The following NPHP4 variants were observed in gnomAD, a reference collection of about 807,000 sequenced individuals.
NPHP4 encodes nephrocystin 4.
In NPHP4, 151 loss-of-function variants were observed where a neutral mutation model predicts 155.8. That is an observed-to-expected ratio of 0.97 (90% CI 0.85 to 1.11). NPHP4 has a LOEUF of 1.11. Among genes scored for constraint, NPHP4 ranks in the 50% least tolerant of loss-of-function variants. The pLI, the probability that NPHP4 is intolerant of heterozygous loss-of-function variation, is 0.00. For missense variants in NPHP4, 1,956 were observed against 1,925.7 expected (o/e 1.02, Z -0.29); for synonymous variants, 845 against 816.8 (o/e 1.03, Z -0.59).
chr1:5,965,049 C>G (rs954545483), intron 5 of NPHP4, among the ~76,000 whole-genome samples: 11 of 149,728 alleles, frequency 7.3e-5, no homozygotes, highest in African/African-American at 2.5e-4. Context: ...CCTCCCACCT[C>G]AGCCTCCCAA....
At chr1:5,868,081 G>A (rs1299303390) in intron 23 of NPHP4, 185 bp from the exon 24 acceptor site, 3 of 738,072 alleles carry the variant, frequency 4.1e-6, no homozygotes, top group Non-Finnish European at 7.4e-6. Context: ...GTCTCCACCA[G>A]GAGGGGACCG....
chr1:5,906,436 C>T (rs1187483263), intron 13 of NPHP4, among the ~76,000 whole-genome samples: 2 of 152,264 alleles, frequency 1.3e-5, no homozygotes, highest in East Asian at 3.9e-4. Context: ...CACCCTCACA[C>T]CATGTCTCAT....
At chr1:5,963,689 C>CTTTTTTTT (rs57131022) in intron 5 of NPHP4, among the ~76,000 whole-genome samples, 4 of 122,944 alleles carry the variant, frequency 3.3e-5, no homozygotes, top group African/African-American at 1.2e-4. Context: ...CTTTTCTTTT[C>CTTTTTTTT]TTTTTTTTTT....
intron 11 of NPHP4, among the ~76,000 whole-genome samples, chr1:5,923,834 T>G (rs1195327248): frequency 1.3e-5 from 2 of 152,212 alleles, no homozygotes; most frequent in Non-Finnish European, 2.9e-5. Context: ...AAATTCTCAG[T>G]ATCTGGAGCC....
At position 5,867,132 on chromosome 1, in the gene NPHP4, G is replaced by A. The variant is rs1641322990; in HGVS notation, c.3473-17C>T. The A allele has an allele frequency of 6.3e-7, 1 of 1,585,560 alleles. No individual in the cohort carries two copies. Among genetic ancestry groups the A allele is most frequent in the African/African-American group, 1.3e-5 (1 of 74,332 alleles). ...CCGGAGCACCTGGAGCAGGGGAAAT[G>A]TCAAAAAGAGTCTTCTCCACAGCCC... is the stretch of plus-strand genomic sequence containing the variant. On this transcript the variant is annotated splice_polypyrimidine_tract_variant and intron_variant, in intron 24 of 29. Coordinates refer to ENST00000378156, the MANE Select transcript of NPHP4 (RefSeq NM_015102.5). This position sits in a 1 kb window ranked among gnomAD's most constrained non-coding sequence, Gnocchi z 4.1.
At chr1:5,876,087 T>C (rs1642570428) in intron 20 of NPHP4, 1 of 152,260 alleles carries the variant, frequency 6.6e-6, no homozygotes, top group Non-Finnish European at 1.5e-5. Context: ...TGCTGGACGA[T>C]GGGGCCAGAC....
intron 11 of NPHP4, among the ~76,000 whole-genome samples, chr1:5,927,446 CT>C (rs1266565492): frequency 1.3e-5 from 2 of 152,220 alleles, no homozygotes; most frequent in African/African-American, 4.8e-5. Flanking sequence ...GAAGCACAAG[CT>C]TCTGGGCCAC....
At chr1:5,898,469 G>A (rs905113438) in intron 16 of NPHP4, among the ~76,000 whole-genome samples, 1 of 152,336 alleles carries the variant, frequency 6.6e-6, no homozygotes, top group East Asian at 1.9e-4. Flanking sequence ...CGTGGCTGCC[G>A]GAAGCTTCAG....
At position 5,904,716 on chromosome 1, in the gene NPHP4, G is replaced by T. The variant is rs137852920; in HGVS notation, c.2044C>A (p.Arg682=). The change falls in exon 16 of 30, where the codon CGA becomes AGA. Residue 682 remains arginine (R), a synonymous_variant. Transcript: ENST00000378156. ...FYRFPPATTP[R]LQLVQLDEAG... The stretch of plus-strand genomic sequence containing the variant: ...TCATCCAGCTGGACCAGCTGCAGTC[G>T]TGGCGTCGTTGCGGGTGGGAAGCGG... 1 of 1,614,026 alleles carries T rather than the reference G, an allele frequency of 6.2e-7. No homozygotes were observed. Among genetic ancestry groups the T allele is most frequent in the Admixed American group, 1.7e-5 (1 of 60,030 alleles).
At position 5,893,011 on chromosome 1, in the gene NPHP4, G is replaced by C. The variant is rs115994790; in HGVS notation, c.2144-1983C>G. On this transcript the variant is annotated intron_variant, in intron 16 of 29. Coordinates refer to ENST00000378156, the MANE Select transcript of NPHP4 (RefSeq NM_015102.5). ...GGCAGATCCAGGCAACGATGAATGAGTGACAATCTAGAAGAGCAGAGTGGC... is the reference window on the plus strand; with the variant it reads ...GGCAGATCCAGGCAACGATGAATGACTGACAATCTAGAAGAGCAGAGTGGC... 9.3e-3 allele frequency among the ~76,000 whole-genome samples: 1,424 copies of C among 152,328 alleles called. 23 individuals are homozygous for C. The highest frequency in any genetic ancestry group is 0.03 in the African/African-American group (1,239 of 41,558).
intron 7 of NPHP4, among the ~76,000 whole-genome samples, chr1:5,950,251 C>T (rs764356614): frequency 2.0e-5 from 3 of 152,134 alleles, no homozygotes; most frequent in South Asian, 2.1e-4. Context: ...TCCCCCAATA[C>T]CTAAGGAGCA....
intron 3 of NPHP4, among the ~76,000 whole-genome samples, chr1:5,976,052 CT>C (rs890458038): frequency 2.6e-5 from 4 of 152,176 alleles, no homozygotes; most frequent in African/African-American, 9.7e-5. Context: ...CAAGGCATCC[CT>C]GGTTTCAGAG....
rs1014911150 is a variant in NPHP4 at position 5,892,215 on chromosome 1, C to T, written c.2144-1187G>A. 6.6e-6 allele frequency among the ~76,000 whole-genome samples: 1 copy of T among 152,194 alleles called. No individual in the cohort carries two copies. The highest frequency in any genetic ancestry group is 2.4e-5 in the African/African-American group (1 of 41,452). ...TAGTGAGAGCTCCCAGCATGAGCGACGCAGAAGATGGGTGATTTCTGCATT... is the reference window on the plus strand; with the variant it reads ...TAGTGAGAGCTCCCAGCATGAGCGATGCAGAAGATGGGTGATTTCTGCATT... On this transcript the variant is annotated intron_variant, in intron 16 of 29. Transcript: ENST00000378156. This position sits in a 1 kb window ranked among gnomAD's most constrained non-coding sequence, Gnocchi z 4.5.
intron 9 of NPHP4, among the ~76,000 whole-genome samples, chr1:5,941,096 A>C (rs115950205): frequency 5.9e-4 from 90 of 152,304 alleles, no homozygotes; most frequent in Middle Eastern, 6.8e-3. Context: ...GTACATTAAC[A>C]GACAGGGCAG....
At chr1:5,869,137 TATCCGCCCACACATGCACACAC>T (rs1408278227) in intron 23 of NPHP4, among the ~76,000 whole-genome samples, 2 of 83,606 alleles carry the variant, frequency 2.4e-5, no homozygotes, top group Non-Finnish European at 4.9e-5. Context: ...AATGCACACA[TATCCGCCCACACATGCACACAC>T]ACGCACCCAC....
chr1:5,920,410 C>T (rs1033923881), intron 11 of NPHP4, among the ~76,000 whole-genome samples: 5 of 152,180 alleles, frequency 3.3e-5, no homozygotes, highest in African/African-American at 4.8e-5. Flanking sequence ...AGAGGAGCTC[C>T]GTAGAGATGT....
In NPHP4 at chr1:5,910,410, C is replaced by T. The variant is rs541184741; in HGVS notation, c.1442-1197G>A. On this transcript the variant is annotated intron_variant, in intron 11 of 29. Transcript: ENST00000378156. This position sits in a 1 kb window ranked among gnomAD's most constrained non-coding sequence, Gnocchi z 5.4. ...TCAGGCTTCCCCCATGGCCCTGTCC[C>T]ACCTCCCGTCACCCCCATGTGGCCC... 3.3e-5 allele frequency among the ~76,000 whole-genome samples: 5 copies of T among 152,148 alleles called. No individual in the cohort carries two copies. The highest frequency in any genetic ancestry group is 1.9e-4 in the East Asian group (1 of 5,184).
intron 1 of NPHP4, among the ~76,000 whole-genome samples, chr1:5,989,789 A>G (rs1655973183): frequency 6.6e-6 from 1 of 152,224 alleles, no homozygotes; most frequent in South Asian, 2.1e-4. Context: ...GGGTGTCTGC[A>G]GGACTCAGTG....
At chr1:5,900,497 T>TG (rs1159397300) in intron 16 of NPHP4, among the ~76,000 whole-genome samples, 2 of 152,118 alleles carry the variant, frequency 1.3e-5, no homozygotes, top group Non-Finnish European at 2.9e-5. Flanking sequence ...TATGACATTC[T>TG]GGAAGAGGCA....
Sources: gnomAD v4.1 joint callset for allele counts (sites outside exome capture counted in the v4.1 genomes callset) on GRCh38, gnomAD v4.1.1 for gene constraint, Gnocchi (gnomAD v3.1) non-coding constraint, MANE v1.5 for transcripts, NCBI Gene and HGNC (gene_info 2026-07-23, HGNC 2026-07-21) for gene names.